The following FGF12 variants were observed in gnomAD, a reference collection of about 807,000 sequenced individuals.
FGF12 encodes fibroblast growth factor 12.
FGF12 carries 14 observed loss-of-function variants against 23.6 expected under a neutral mutation model. That is an observed-to-expected ratio of 0.59 (90% CI 0.39 to 0.93). FGF12 has a LOEUF of 0.93. Among genes scored for constraint, FGF12 ranks in the 40% least tolerant of loss-of-function variants. FGF12 has a pLI of 0.00. For missense variants in FGF12, 175 were observed against 217.8 expected (o/e 0.80, Z 1.24); for synonymous variants, 62 against 77.3 (o/e 0.80, Z 1.04).
In FGF12 at chr3:192,141,287, A is replaced by T. The variant is rs1193056134; in HGVS notation, c.*2722T>A. 6.6e-6 allele frequency: 1 copy of T among 151,924 alleles called. No individual in the cohort carries two copies. Among genetic ancestry groups the T allele is most frequent in the Non-Finnish European group, 1.5e-5 (1 of 67,854 alleles). The allele number at this position is 151,924 out of a possible 1,614,324, so 9.4% of individuals were successfully genotyped here. ...TACTTAAACTCAACCATATTTTTGG[A>T]TGAAGTTGGATATTATATGTTTACA... On this transcript the variant is annotated 3_prime_UTR_variant, in exon 6 of 6. Transcript: ENST00000445105.
intron 2 of FGF12, among the ~76,000 whole-genome samples, chr3:192,463,737 G>A (rs548365060): frequency 3.0e-4 from 46 of 152,316 alleles, no homozygotes; most frequent in Non-Finnish European, 3.5e-4. Flanking sequence ...AAGGATGATG[G>A]AAGAGTAAGA....
chr3:192,321,055 T>G (rs1362416507), intron 4 of FGF12, among the ~76,000 whole-genome samples: 4 of 151,956 alleles, frequency 2.6e-5, no homozygotes, highest in Non-Finnish European at 5.9e-5. Context: ...TCAACACACT[T>G]TTAAGCCAGA....
At chr3:192,662,051 C>T (rs2108685120) in intron 2 of FGF12, among the ~76,000 whole-genome samples, 1 of 152,314 alleles carries the variant, frequency 6.6e-6, no homozygotes, top group South Asian at 2.1e-4. Context: ...GAGTGGGCTT[C>T]CTTATTCCTC....
At chr3:192,299,719 T>G (rs182910490) in intron 4 of FGF12, among the ~76,000 whole-genome samples, 53 of 152,260 alleles carry the variant, frequency 3.5e-4, no homozygotes, top group Admixed American at 3.3e-3. Context: ...TATTACCTGA[T>G]GAGTTTACAA....
intron 4 of FGF12, among the ~76,000 whole-genome samples, chr3:192,240,737 A>G (rs1308334850): frequency 6.6e-6 from 1 of 152,174 alleles, no homozygotes; most frequent in Non-Finnish European, 1.5e-5. Flanking sequence ...GTCAGAAGAC[A>G]TATCTCCCCC....
chr3:192,164,289 A>G (rs1715037259), intron 5 of FGF12, among the ~76,000 whole-genome samples: 1 of 152,178 alleles, frequency 6.6e-6, no homozygotes, highest in African/African-American at 2.4e-5. Context: ...AGCCTGTGCT[A>G]TTGTCCAAAA....
In FGF12 at chr3:192,335,585, G is replaced by C. The variant is rs577671535; in HGVS notation, c.125-121C>G. The C allele has an allele frequency of 1.5e-4, 99 of 657,482 alleles. 1 individual carries two copies. In the African/African-American group the frequency reaches 1.6e-3, roughly 11 times the overall value. The allele number at this position is 657,482 out of a possible 1,614,324, so 40.7% of individuals were successfully genotyped here. A position where few individuals can be genotyped will look rare whatever the true frequency, so the allele number is the denominator to read the frequency against. Reference sequence around the variant, plus strand: ...TGAACTTGGTAGAAAAATGGAGAGAGAAATAAAGAGAGGTCTAAAAACGAG... The same window carrying C: ...TGAACTTGGTAGAAAAATGGAGAGACAAATAAAGAGAGGTCTAAAAACGAG... On this transcript the variant is annotated intron_variant, in intron 3 of 5. Coordinates refer to ENST00000445105, the MANE Select transcript of FGF12 (RefSeq NM_004113.6).
At chr3:192,559,903 T>C (rs1711940946) in intron 2 of FGF12, among the ~76,000 whole-genome samples, 1 of 152,112 alleles carries the variant, frequency 6.6e-6, no homozygotes, top group Non-Finnish European at 1.5e-5. Context: ...TTTAACCTAA[T>C]TGATATTTAT....
At chr3:192,407,945 C>T in intron 2 of FGF12, 6 of 1,442,042 alleles carry the variant, frequency 4.2e-6, no homozygotes, top group Non-Finnish European at 5.6e-6. Context: ...GGTTCCCTTC[C>T]ACGGGGGTCC....
At chr3:192,223,466 A>G (rs1718573376) in intron 4 of FGF12, among the ~76,000 whole-genome samples, 1 of 152,180 alleles carries the variant, frequency 6.6e-6, no homozygotes, top group South Asian at 2.1e-4. Context: ...ATCAGCTATA[A>G]TCCAGATCAT....
chr3:192,407,155 A>G (rs1338415500), intron 2 of FGF12, among the ~76,000 whole-genome samples: 1 of 152,194 alleles, frequency 6.6e-6, no homozygotes, highest in Non-Finnish European at 1.5e-5. Flanking sequence ...CTTTGCAAGT[A>G]GAGACACATC....
At chr3:192,633,077 G>A (rs140365701) in intron 2 of FGF12, among the ~76,000 whole-genome samples, 6,913 of 152,064 alleles carry the variant, frequency 0.045, 445 homozygotes, top group African/African-American at 0.14. Context: ...GCAGAGTCTC[G>A]CCCTGTTGCC....
chr3:192,424,119 A>T (rs1560107196), intron 2 of FGF12, among the ~76,000 whole-genome samples: 1 of 152,114 alleles, frequency 6.6e-6, no homozygotes, highest in Non-Finnish European at 1.5e-5. Flanking sequence ...CTTTCCCCAA[A>T]ACGTCCCCAG....
intron 2 of FGF12, among the ~76,000 whole-genome samples, chr3:192,695,782 G>A (rs1229254885): frequency 1.3e-5 from 2 of 152,142 alleles, no homozygotes; most frequent in Non-Finnish European, 2.9e-5. Flanking sequence ...GCGAGGATGA[G>A]GCACTCACTT....
In FGF12 at chr3:192,385,558, AC is replaced by A. The variant is rs71298512; in HGVS notation, c.14-25021del. The stretch of plus-strand genomic sequence containing the variant: ...AAACAAAGCAGGACTGAGAGAATTC[AC>A]CCCCCCCAGCTCATAGTTCAGACCT... On this transcript the variant is annotated intron_variant, in intron 2 of 5. Coordinates refer to ENST00000445105, the MANE Select transcript of FGF12 (RefSeq NM_004113.6). 3.4e-4 allele frequency among the ~76,000 whole-genome samples: 51 copies of A among 150,370 alleles called. No individual in the cohort carries two copies. In the East Asian group the frequency reaches 5.1e-3, roughly 15 times the overall value.
intron 4 of FGF12, among the ~76,000 whole-genome samples, chr3:192,298,773 A>G (rs1028020669): frequency 6.6e-6 from 1 of 152,108 alleles, no homozygotes; most frequent in Non-Finnish European, 1.5e-5. Flanking sequence ...TATTTTACTG[A>G]TGGTTCTACA....
chr3:192,414,940 C>T (rs1314337235), intron 2 of FGF12, among the ~76,000 whole-genome samples: 1 of 151,992 alleles, frequency 6.6e-6, no homozygotes, highest in Admixed American at 6.6e-5. Context: ...TATTGTTGGC[C>T]AAGATAGGGT....
intron 4 of FGF12, among the ~76,000 whole-genome samples, chr3:192,322,007 T>C (rs915096210): frequency 6.6e-6 from 1 of 151,950 alleles, no homozygotes; most frequent in Non-Finnish European, 1.5e-5. Context: ...AGCATCCAAA[T>C]TGGAATGGAA....
intron 2 of FGF12, among the ~76,000 whole-genome samples, chr3:192,439,768 A>G (rs1432202302): frequency 6.6e-6 from 1 of 152,072 alleles, no homozygotes. Context: ...CAAGGTCAGG[A>G]GTTCAAGACC....
Sources: gnomAD v4.1 joint callset for allele counts (sites outside exome capture counted in the v4.1 genomes callset) on GRCh38, gnomAD v4.1.1 for gene constraint, MANE v1.5 for transcripts, NCBI Gene and HGNC (gene_info 2026-07-23, HGNC 2026-07-21) for gene names.